FER: variants seen among roughly 807,000 people sequenced by gnomAD.
FER encodes tyrosine-protein kinase Fer.
Under a neutral mutation model 111.0 loss-of-function variants are expected in FER, and 63 were observed. The observed-to-expected ratio is 0.57, with a 90% CI of 0.46 to 0.70. FER has a LOEUF of 0.70. FER is among the 30% of genes least tolerant of loss of function. The probability of loss-of-function intolerance (pLI) is 0.00; values close to 1 mark genes in which losing one functional copy is unlikely to be tolerated. For missense variants in FER, 914 were observed against 954.0 expected, an observed-to-expected ratio of 0.96 and a Z score of 0.55; for synonymous variants, 327 against 313.9, an observed-to-expected ratio of 1.04 and a Z score of -0.44.
intron 17 of FER, among the ~76,000 whole-genome samples, chr5:109,122,279 A>G (rs940717670): frequency 6.6e-6 from 1 of 152,042 alleles, no homozygotes; most frequent in Admixed American, 6.6e-5. Flanking sequence ...TTCCATATCA[A>G]TTGTAGCAGG....
intron 1 of FER, among the ~76,000 whole-genome samples, chr5:108,757,140 A>G (rs1751206566): frequency 6.6e-6 from 1 of 152,244 alleles, no homozygotes; most frequent in African/African-American, 2.4e-5. Flanking sequence ...AAAAGTCTGT[A>G]GTAAACTATT....
intron 2 of FER, chr5:108,782,762 G>A (rs1189880267): frequency 6.6e-6 from 1 of 152,188 alleles, no homozygotes; most frequent in Non-Finnish European, 1.5e-5. Flanking sequence ...ACAGGTATGA[G>A]CCACTGTGCA....
intron 13 of FER, among the ~76,000 whole-genome samples, chr5:109,019,602 T>C (rs1241718054): frequency 6.6e-6 from 1 of 151,788 alleles, no homozygotes; most frequent in Non-Finnish European, 1.5e-5. Flanking sequence ...GGCCTACTGA[T>C]TCAGAAATTT....
chr5:108,817,137 A>AAAAAATT (rs1758370825), intron 3 of FER, among the ~76,000 whole-genome samples: 2 of 141,508 alleles, frequency 1.4e-5, no homozygotes, highest in Admixed American at 7.1e-5. Flanking sequence ...AAAAAAAAAA[A>AAAAAATT]GCTTGCAGTT....
chr5:108,896,205 T>C (rs942279979), intron 9 of FER, among the ~76,000 whole-genome samples: 1 of 151,150 alleles, frequency 6.6e-6, no homozygotes, highest in Non-Finnish European at 1.5e-5. Flanking sequence ...GAGGAAACCC[T>C]CTGGAAGCTT....
At chr5:108,964,899 G>A (rs1189911696) in intron 13 of FER, among the ~76,000 whole-genome samples, 2 of 152,036 alleles carry the variant, frequency 1.3e-5, no homozygotes, top group African/African-American at 4.8e-5. Flanking sequence ...TGCTTTTGCA[G>A]TTAATCATTT....
intron 14 of FER, among the ~76,000 whole-genome samples, chr5:109,041,306 A>G (rs1347444243): frequency 6.6e-6 from 1 of 152,134 alleles, no homozygotes; most frequent in African/African-American, 2.4e-5. Context: ...CTGAGAGTGT[A>G]TGGGAAGGCA....
intron 17 of FER, among the ~76,000 whole-genome samples, chr5:109,122,128 C>A (rs1181693047): frequency 1.3e-5 from 2 of 151,780 alleles, no homozygotes; most frequent in Non-Finnish European, 2.9e-5. Context: ...TTAGTTTGTT[C>A]TTACTTTTCT....
At chr5:109,165,992 C>T (rs1454993011) in intron 17 of FER, among the ~76,000 whole-genome samples, 1 of 152,112 alleles carries the variant, frequency 6.6e-6, no homozygotes, top group Non-Finnish European at 1.5e-5. Flanking sequence ...TGGCATCCAG[C>T]AGTCTATCAG....
At chr5:108,973,416 C>G (rs1255314838) in intron 13 of FER, among the ~76,000 whole-genome samples, 1 of 151,896 alleles carries the variant, frequency 6.6e-6, no homozygotes, top group African/African-American at 2.4e-5. Flanking sequence ...AAAAAGATAT[C>G]TGCAAGTGAT....
At chr5:108,804,417 A>G (rs1346750569) in intron 3 of FER, among the ~76,000 whole-genome samples, 1 of 152,092 alleles carries the variant, frequency 6.6e-6, no homozygotes, top group Non-Finnish European at 1.5e-5. Context: ...TCCAGTTCTC[A>G]AGGGGAATAG....
chr5:109,082,606 A>G (rs1777119347), intron 16 of FER, among the ~76,000 whole-genome samples: 1 of 151,234 alleles, frequency 6.6e-6, no homozygotes, highest in Admixed American at 6.6e-5. Flanking sequence ...TTAAACTCCT[A>G]CTGAGAGTTT....
intron 5 of FER, among the ~76,000 whole-genome samples, chr5:108,845,035 TA>T (rs1761836407): frequency 1.8e-5 from 1 of 55,112 alleles, no homozygotes; most frequent in Non-Finnish European, 3.5e-5. Context: ...TATATATATA[TA>T]TATACATATA....
chr5:109,173,386 G>T (rs1410484163), intron 17 of FER, among the ~76,000 whole-genome samples: 4 of 152,198 alleles, frequency 2.6e-5, no homozygotes, highest in Non-Finnish European at 5.9e-5. Flanking sequence ...TATAGTAAAT[G>T]GACTCAATGG....
At chr5:108,850,060 T>G (rs1006616494) in intron 5 of FER, among the ~76,000 whole-genome samples, 1 of 151,980 alleles carries the variant, frequency 6.6e-6, no homozygotes, top group Non-Finnish European at 1.5e-5. Context: ...CTGGGCATGG[T>G]GGTGCGCGCC....
At chr5:109,010,468 T>C (rs1182766828) in intron 13 of FER, among the ~76,000 whole-genome samples, 1 of 152,126 alleles carries the variant, frequency 6.6e-6, no homozygotes, top group African/African-American at 2.4e-5. Flanking sequence ...TTTTTATCCT[T>C]CTTTAAATGT....
At chr5:109,184,470 G>A (rs1758638977) in intron 18 of FER, among the ~76,000 whole-genome samples, 1 of 152,124 alleles carries the variant, frequency 6.6e-6, no homozygotes, top group African/African-American at 2.4e-5. Context: ...AAAGATCCAG[G>A]TTTCAGAGCT....
chr5:108,776,454 A>G (rs1330881487), intron 2 of FER, among the ~76,000 whole-genome samples: 1 of 152,190 alleles, frequency 6.6e-6, no homozygotes. Context: ...GGTAAAAACA[A>G]TATTTCCATC....
At chr5:108,844,988 G>GTA (rs1158709472) in intron 5 of FER, among the ~76,000 whole-genome samples, 29 of 31,752 alleles carry the variant, frequency 9.1e-4, no homozygotes, top group African/African-American at 4.8e-3. Context: ...TTGCTGGTGT[G>GTA]TGTGTGTGTA....
Sources: gnomAD v4.1 joint callset for allele counts (sites outside exome capture counted in the v4.1 genomes callset) on GRCh38, gnomAD v4.1.1 for gene constraint, MANE v1.5 for transcripts, NCBI Gene and HGNC (gene_info 2026-07-23, HGNC 2026-07-21) for gene names.